The following GRIN3B variants were observed in gnomAD, a reference collection of about 807,000 sequenced individuals.
GRIN3B encodes glutamate ionotropic receptor NMDA type subunit 3B.
Under a neutral mutation model 66.0 loss-of-function variants are expected in GRIN3B, and 77 were observed. The ratio of observed to expected loss-of-function variants is 1.17; its 90% CI spans 0.97 to 1.41. The LOEUF (loss-of-function observed/expected upper bound fraction) is 1.41, where lower values mean the gene tolerates loss of function less well. Ranked by LOEUF, GRIN3B falls within the 40% of genes most tolerant of loss-of-function variation. The pLI, the probability that GRIN3B is intolerant of heterozygous loss-of-function variation, is 0.00. For missense variants in GRIN3B, 1,787 were observed against 1,564.5 expected (o/e 1.14, Z -2.40); for synonymous variants, 823 against 749.7 (o/e 1.10, Z -1.60).
Position 1,005,309 on chromosome 19 carries a change from T to C in GRIN3B, c.1808T>C (p.Leu603Pro). 6.2e-7 allele frequency: 1 copy of C among 1,613,600 alleles called. No individual in the cohort carries two copies. Among genetic ancestry groups the C allele is most frequent in the South Asian group, 1.1e-5 (1 of 91,082 alleles). The change falls in exon 3 of 9, where the codon CTC becomes CCC. Residue 603 changes from leucine to proline, a missense_variant. Physicochemically the swap from Leu to Pro is moderately conservative, Grantham distance 98. Transcript: ENST00000234389. This position sits in a 1 kb window ranked among gnomAD's most constrained non-coding sequence, Gnocchi z 5.2. ...TACGAGTGGCGTAGCCCCTACGGCC[T>C]CACGCCACGTGGCCGCAACCGCAGC... ...TVYEWRSPYGLTPRGRNRSTV... is the reference protein window; with the variant it reads ...TVYEWRSPYGPTPRGRNRSTV...
At position 1,009,505 on chromosome 19, in the gene GRIN3B, G is replaced by C. The variant is rs756460571; in HGVS notation, c.3035G>C (p.Gly1012Ala). Residue 1012 changes from glycine (G) to alanine (A), a missense_variant, in exon 9 of 9, where the codon GGG (glycine) becomes GCG (alanine). Physicochemically the swap from Gly to Ala is moderately conservative, Grantham distance 60. Coordinates refer to ENST00000234389, the MANE Select transcript of GRIN3B (RefSeq NM_138690.3). The stretch of plus-strand genomic sequence containing the variant: ...CGCGGCCAGCTCCTGGCACAGCTCG[G>C]GGACAGCGCACGTCACCGGCCTCGG... The part of the protein sequence containing the change: ...VRRGQLLAQL[G>A]DSARHRPRRL... 4.0e-6 allele frequency: 6 copies of C among 1,495,534 alleles called. No individual in the cohort carries two copies. Among genetic ancestry groups the C allele is most frequent in the South Asian group, 1.3e-5 (1 of 79,582 alleles). 92.6% of individuals were successfully genotyped at this position (1,495,534 alleles called of 1,614,324 possible).
chr19:1,006,678 G>A (rs1015032284), intron 3 of GRIN3B, among the ~76,000 whole-genome samples: 4 of 152,178 alleles, frequency 2.6e-5, no homozygotes, highest in African/African-American at 9.7e-5. Flanking sequence ...CTGCCCAGTG[G>A]TGTCCCCTGG....
intron 8 of GRIN3B, 121 bp downstream of exon 8, chr19:1,009,048 A>T: frequency 7.6e-7 from 1 of 1,315,228 alleles, no homozygotes; most frequent in Non-Finnish European, 1.0e-6. Context: ...CCACCCCCGG[A>T]CGTGCACACC....
At position 1,008,800 on chromosome 19, in the gene GRIN3B, G is replaced by A; in HGVS notation, c.2631+18G>A. The A allele has an allele frequency of 6.3e-7, 1 of 1,595,360 alleles. No homozygotes were observed. The highest frequency in any genetic ancestry group is 8.5e-7 in the Non-Finnish European group (1 of 1,171,780). ...CCAGCCAGGTGGGGAGCGGGTGGGC[G>A]GCGGGCGGCCCCACCCCCCCCGCCT... On this transcript the variant is annotated intron_variant, in intron 7 of 8. Transcript: ENST00000234389.
chr19:1,009,604 G>A lies in GRIN3B; in HGVS notation c.*2G>A. The A allele has an allele frequency of 1.4e-6, 2 of 1,427,308 alleles. No homozygotes were observed. The highest frequency in any genetic ancestry group is 1.8e-6 in the Non-Finnish European group (2 of 1,096,026). The allele number at this position is 1,427,308 out of a possible 1,614,324, so 88.4% of individuals were successfully genotyped here. A position where few individuals can be genotyped will look rare whatever the true frequency, so the allele number is the denominator to read the frequency against. On this transcript the variant is annotated 3_prime_UTR_variant, in exon 9 of 9. Transcript: ENST00000234389. ...GGCCGACCGGGGAGCCAGGAATGAGGCGGCAGCCGGGCCGTTTGGGCTCAA... is the reference window on the plus strand; with the variant it reads ...GGCCGACCGGGGAGCCAGGAATGAGACGGCAGCCGGGCCGTTTGGGCTCAA...
Position 1,000,453 on chromosome 19 carries a change from G to C in GRIN3B, c.16G>C (p.Ala6Pro). The change falls in exon 1 of 9, where the codon GCG (alanine) becomes CCG (proline). Residue 6 changes from alanine to proline, a missense_variant. Coordinates refer to ENST00000234389, the MANE Select transcript of GRIN3B (RefSeq NM_138690.3). Reference protein sequence around the residue: MEFVRALWLGLALALG... With the variant: MEFVRPLWLGLALALG... ...CAACTTTGCGATGGAGTTTGTGCGG[G>C]CGCTGTGGCTGGGCCTGGCGCTGGC... is the stretch of plus-strand genomic sequence containing the variant. The C allele has an allele frequency of 8.2e-7, 1 of 1,213,086 alleles. No homozygotes were observed. The allele number at this position is 1,213,086 out of a possible 1,614,324, so 75.1% of individuals were successfully genotyped here.
rs772179586 is a variant in GRIN3B at position 1,009,585 on chromosome 19, C to A, written c.3115C>A (p.Pro1039Thr). ...GGAGGCCCCACCACACTCTGGCCGA[C>A]CGGGGAGCCAGGAATGAGGCGGCAG... is the stretch of plus-strand genomic sequence containing the variant. ...PAEAPPHSGR[P>T]GSQE Residue 1039 changes from proline to threonine, a missense_variant, in exon 9 of 9, where the codon CCG becomes ACG. Physicochemically the swap from Pro to Thr is conservative, Grantham distance 38 (BLOSUM62 -1). Coordinates refer to ENST00000234389, the MANE Select transcript of GRIN3B (RefSeq NM_138690.3). The A allele has an allele frequency of 6.9e-7, 1 of 1,442,818 alleles. No homozygotes were observed. The highest frequency in any genetic ancestry group is 9.1e-7 in the Non-Finnish European group (1 of 1,103,734). The allele number at this position is 1,442,818 out of a possible 1,614,324, so 89.4% of individuals were successfully genotyped here. A position where few individuals can be genotyped will look rare whatever the true frequency, so the allele number is the denominator to read the frequency against.
In GRIN3B at chr19:1,005,441, A is replaced by G. The variant is rs1599458503; in HGVS notation, c.1940A>G (p.Asn647Ser). Reference sequence around the variant, plus strand: ...TGCCCCACGGGCCGCCTGCTCATGAACCTCTGGGCCATCTTCTGCCTGCTG... The same window carrying G: ...TGCCCCACGGGCCGCCTGCTCATGAGCCTCTGGGCCATCTTCTGCCTGCTG... Reference protein sequence around the residue: ...PKCPTGRLLMNLWAIFCLLVL... With the variant: ...PKCPTGRLLMSLWAIFCLLVL... The change falls in exon 3 of 9, where the codon AAC becomes AGC. Residue 647 changes from asparagine to serine, a missense_variant. Asn to Ser is a conservative substitution (Grantham distance 46). Coordinates refer to ENST00000234389, the MANE Select transcript of GRIN3B (RefSeq NM_138690.3). The surrounding 1 kb of genome is among the most constrained non-coding windows in gnomAD (Gnocchi z 5.2). 1 of 1,613,042 alleles carries G rather than the reference A, an allele frequency of 6.2e-7. No individual in the cohort carries two copies. Among genetic ancestry groups the G allele is most frequent in the African/African-American group, 1.3e-5 (1 of 74,800 alleles).
At position 1,005,069 on chromosome 19, in the gene GRIN3B, G is replaced by A; in HGVS notation, c.1568G>A (p.Gly523Asp). The A allele has an allele frequency of 1.2e-6, 2 of 1,611,378 alleles. No individual in the cohort carries two copies. The highest frequency in any genetic ancestry group is 1.7e-6 in the Non-Finnish European group (2 of 1,178,950). ...WTGLVGDLLA[G>D]RAHMAVTSFS... ...GGCCTGGTCGGGGACCTGCTGGCCG[G>A]CCGGGCCCACATGGCGGTCACCAGC... Residue 523 changes from glycine (G) to aspartate (D), a missense_variant, in exon 3 of 9, where the codon GGC becomes GAC. Transcript: ENST00000234389. This position sits in a 1 kb window ranked among gnomAD's most constrained non-coding sequence, Gnocchi z 5.2.
In GRIN3B at chr19:1,004,930, T is replaced by C. The variant is rs777543158; in HGVS notation, c.1429T>C (p.Tyr477His). 2 of 1,612,028 alleles carry C rather than the reference T, an allele frequency of 1.2e-6. No individual in the cohort carries two copies. Among genetic ancestry groups the C allele is most frequent in the East Asian group, 2.2e-5 (1 of 44,888 alleles). ...GCCCCGTGCCCTGCGCAAGTGCTGC[T>C]ACGGCTACTGCATTGACCTGCTGGA... The part of the protein sequence containing the change: ...SAPRALRKCC[Y>H]GYCIDLLERL... Residue 477 changes from tyrosine (Y) to histidine (H), a missense_variant, in exon 3 of 9, where the codon TAC becomes CAC. Physicochemically the swap from Tyr to His is moderately conservative, Grantham distance 83 (BLOSUM62 2). Transcript: ENST00000234389.
At chr19:1,002,339 GA>G (rs2038692060) in intron 1 of GRIN3B, among the ~76,000 whole-genome samples, 1 of 114,412 alleles carries the variant, frequency 8.7e-6, no homozygotes, top group Non-Finnish European at 1.7e-5. Flanking sequence ...CTAACATGGT[GA>G]AACCCCGTCT....
chr19:1,000,809 G>T lies in GRIN3B; in HGVS notation c.372G>T (p.Glu124Asp), dbSNP rs1385528512. 1 of 1,448,400 alleles carries T rather than the reference G, an allele frequency of 6.9e-7. No individual in the cohort carries two copies. Among genetic ancestry groups the T allele is most frequent in the Admixed American group, 2.8e-5 (1 of 36,184 alleles). 89.7% of individuals were successfully genotyped at this position (1,448,400 alleles called of 1,614,324 possible). ...LQLHFLAAAT[E>D]TPVLSLLRRE... is the part of the protein sequence containing the mutation. Reference sequence around the variant, plus strand: ...TGCACTTCCTGGCGGCGGCCACCGAGACCCCCGTGCTCAGCCTGCTGCGGC... The same window carrying T: ...TGCACTTCCTGGCGGCGGCCACCGATACCCCCGTGCTCAGCCTGCTGCGGC... The change falls in exon 1 of 9, where the codon GAG becomes GAT. Residue 124 changes from glutamate (E) to aspartate (D), a missense_variant. Physicochemically the swap from Glu to Asp is conservative, Grantham distance 45. Transcript: ENST00000234389.
chr19:1,002,933 G>A (rs541810222), intron 1 of GRIN3B, among the ~76,000 whole-genome samples, 197 bp from the exon 2 acceptor site: 13 of 152,128 alleles, frequency 8.5e-5, no homozygotes, highest in Non-Finnish European at 1.5e-4. Flanking sequence ...AGCCAAGAGA[G>A]GCTGGGAGAC....
rs769956227 is a variant in GRIN3B, at chr19:1,009,313, C to T, written c.2843C>T (p.Ala948Val). The T allele has an allele frequency of 7.1e-6, 10 of 1,406,098 alleles. No individual in the cohort carries two copies. Among genetic ancestry groups the T allele is most frequent in the Admixed American group, 3.4e-5 (1 of 29,456 alleles). The allele number at this position is 1,406,098 out of a possible 1,614,324, so 87.1% of individuals were successfully genotyped here. Residue 948 changes from alanine to valine, a missense_variant, in exon 9 of 9, where the codon GCG becomes GTG. Ala to Val is a moderately conservative substitution (Grantham distance 64, BLOSUM62 0). Transcript: ENST00000234389. ...LEPAVVVAPE[A>V]DAEAEAAPRE... ...CCCGCCGTGGTTGTGGCACCCGAAG[C>T]GGACGCGGAGGCGGAGGCTGCGCCG...
intron 1 of GRIN3B, among the ~76,000 whole-genome samples, 195 bp from the exon 2 acceptor site, chr19:1,002,935 C>G (rs563646208): frequency 2.7e-5 from 4 of 150,810 alleles, no homozygotes; most frequent in South Asian, 2.1e-4. Flanking sequence ...CCAAGAGAGG[C>G]TGGGAGACTG....
Position 1,007,675 on chromosome 19 carries a change from C to T in GRIN3B, c.2100C>T (p.Ser700=). 1 of 1,534,612 alleles carries T rather than the reference C, an allele frequency of 6.5e-7. No individual in the cohort carries two copies. Among genetic ancestry groups the T allele is most frequent in the African/African-American group, 1.4e-5 (1 of 71,888 alleles). Residue 700 remains serine (S), a synonymous_variant, in exon 4 of 9, where the codon AGC becomes AGT. Transcript: ENST00000234389. The surrounding 1 kb of genome is among the most constrained non-coding windows in gnomAD (Gnocchi z 4.4). ...QGFRFGTVWE[S]SAEAYIKKSF... ...TCCGCTTCGGCACCGTGTGGGAGAG[C>T]AGCGCCGAGGCGTACATCAAGAAGA...
intron 3 of GRIN3B, among the ~76,000 whole-genome samples, chr19:1,006,012 A>AAAAAC (rs2038744621): frequency 6.6e-6 from 1 of 152,116 alleles, no homozygotes; most frequent in Non-Finnish European, 1.5e-5. Flanking sequence ...TCAAAAAACA[A>AAAAAC]AAAACAAAAC....
Position 1,009,543 on chromosome 19 carries a change from G to A in GRIN3B, c.3073G>A (p.Ala1025Thr), listed in dbSNP as rs759286588. 1.4e-6 allele frequency: 2 copies of A among 1,477,924 alleles called. No homozygotes were observed. The highest frequency in any genetic ancestry group is 8.9e-7 in the Non-Finnish European group (1 of 1,120,158). The allele number at this position is 1,477,924 out of a possible 1,614,324, so 91.6% of individuals were successfully genotyped here. A position where few individuals can be genotyped will look rare whatever the true frequency, so the allele number is the denominator to read the frequency against. Residue 1025 changes from alanine to threonine, a missense_variant, in exon 9 of 9, where the codon GCC becomes ACC. By Grantham distance (58) the Ala-to-Thr change is moderately conservative. Coordinates refer to ENST00000234389, the MANE Select transcript of GRIN3B (RefSeq NM_138690.3). Reference protein sequence around the residue: ...ARHRPRRLLQARAAPAEAPPH... With the variant: ...ARHRPRRLLQTRAAPAEAPPH... ...TCACCGGCCTCGGCGCTTGCTTCAG[G>A]CCAGAGCGGCCCCCGCGGAGGCCCC...
chr19:1,005,099 G>T lies in GRIN3B; in HGVS notation c.1598G>T (p.Ser533Ile), dbSNP rs200427089. ...GCCCACATGGCGGTCACCAGCTTCA[G>T]TATCAACTCCGCCCGCTCACAGGTG... is the stretch of plus-strand genomic sequence containing the variant. ...GRAHMAVTSF[S>I]INSARSQVVD... The change falls in exon 3 of 9, where the codon AGT (serine) becomes ATT (isoleucine). Residue 533 changes from serine to isoleucine, a missense_variant. Physicochemically the swap from Ser to Ile is moderately radical, Grantham distance 142. Transcript: ENST00000234389. The surrounding 1 kb of genome is among the most constrained non-coding windows in gnomAD (Gnocchi z 5.2). 7.3e-5 allele frequency: 118 copies of T among 1,612,792 alleles called. 1 individual carries two copies. In the East Asian group the frequency reaches 2.6e-3, roughly 36 times the overall value.
Sources: allele counts gnomAD v4.1 joint callset (sites outside exome capture counted in the v4.1 genomes callset), GRCh38; gene constraint gnomAD v4.1.1; non-coding constraint Gnocchi (gnomAD v3.1); transcripts MANE v1.5; gene names NCBI Gene and HGNC (gene_info 2026-07-23, HGNC 2026-07-21).